The following DERA variants were observed in gnomAD, a reference collection of about 807,000 sequenced individuals.
The protein encoded by DERA is 2-deoxy-D-ribose 5-phosphate aldolase.
A neutral mutation model predicts 41.1 loss-of-function variants in DERA; 15 were observed. The ratio of observed to expected loss-of-function variants is 0.37; its 90% CI spans 0.24 to 0.56. The LOEUF is 0.56. Ranked by LOEUF, DERA falls within the 20% of genes least tolerant of loss-of-function variation. The probability of loss-of-function intolerance (pLI) is 0.81; values close to 1 mark genes in which losing one functional copy is unlikely to be tolerated. For synonymous variants in DERA, 139 were observed against 137.4 expected (o/e 1.01, Z -0.08); for missense variants, 396 against 403.4 (o/e 0.98, Z 0.16).
At position 15,911,659 on chromosome 12, in the gene DERA, T is replaced by G. The variant is rs1339739137; in HGVS notation, c.31+245T>G. On this transcript the variant is annotated intron_variant, in intron 1 of 8. Coordinates refer to ENST00000428559, the MANE Select transcript of DERA (RefSeq NM_015954.4). This position sits in a 1 kb window ranked among gnomAD's most constrained non-coding sequence, Gnocchi z 4.5. Reference sequence around the variant, plus strand: ...GCGGAAGGAGTAGGAAAGGGTTAGATTATTATCTTCCTGCCTTTTCGTTCA... The same window carrying G: ...GCGGAAGGAGTAGGAAAGGGTTAGAGTATTATCTTCCTGCCTTTTCGTTCA... 1 of 691,930 alleles carries G rather than the reference T, an allele frequency of 1.4e-6. No homozygotes were observed. Among genetic ancestry groups the G allele is most frequent in the African/African-American group, 1.8e-5 (1 of 56,888 alleles). 42.9% of individuals were successfully genotyped at this position (691,930 alleles called of 1,614,324 possible).
Position 15,938,566 on chromosome 12 carries a change from A to G in DERA, c.32-18370A>G, listed in dbSNP as rs924302785. Reference sequence around the variant, plus strand: ...AGTTTAAAATTCTTGATAGTTTTCAATTGATTCTTACCCATGAAATGTGTT... The same window carrying G: ...AGTTTAAAATTCTTGATAGTTTTCAGTTGATTCTTACCCATGAAATGTGTT... On this transcript the variant is annotated intron_variant, in intron 1 of 8. Transcript: ENST00000428559. The surrounding 1 kb of genome is among the most constrained non-coding windows in gnomAD (Gnocchi z 4.1). Among the ~76,000 whole-genome samples the G allele has an allele frequency of 2.0e-5, 3 of 152,198 alleles. No homozygotes were observed. The highest frequency in any genetic ancestry group is 7.2e-5 in the African/African-American group (3 of 41,464).
At position 15,967,758 on chromosome 12, in the gene DERA, T is replaced by C. The variant is rs758208011; in HGVS notation, c.508+4811T>C. ...CACTGTCCTTCCCTGCCAATCCTTCTGTCACTCCTGTCTAGCTGGACATGG... is the reference window on the plus strand; with the variant it reads ...CACTGTCCTTCCCTGCCAATCCTTCCGTCACTCCTGTCTAGCTGGACATGG... On this transcript the variant is annotated intron_variant, in intron 5 of 8. Transcript: ENST00000428559. The surrounding 1 kb of genome is among the most constrained non-coding windows in gnomAD (Gnocchi z 4.9). Among the ~76,000 whole-genome samples the C allele has an allele frequency of 3.3e-5, 5 of 152,246 alleles. No individual in the cohort carries two copies. Among genetic ancestry groups the C allele is most frequent in the African/African-American group, 4.8e-5 (2 of 41,470 alleles).
Position 15,992,142 on chromosome 12 carries a change from G to A in DERA, c.637+9706G>A, listed in dbSNP as rs1351432925. On this transcript the variant is annotated intron_variant, in intron 6 of 8. Coordinates refer to ENST00000428559, the MANE Select transcript of DERA (RefSeq NM_015954.4). The surrounding 1 kb of genome is among the most constrained non-coding windows in gnomAD (Gnocchi z 4.3). ...ACCTTCCTTAACTTTATTCCTCTGC[G>A]ATTACTATCAAACCTGGCATATAGT... 1.3e-5 allele frequency among the ~76,000 whole-genome samples: 2 copies of A among 150,276 alleles called. No homozygotes were observed. The highest frequency in any genetic ancestry group is 2.1e-4 in the South Asian group (1 of 4,772).
chr12:15,966,627 C>G lies in DERA; in HGVS notation c.508+3680C>G, dbSNP rs1208202162. ...CATATGACACAGCAGACTGTTCCTT[C>G]CTTCTGGTAATGCTTTGTTGTTGTG... On this transcript the variant is annotated intron_variant, in intron 5 of 8. Transcript: ENST00000428559. The surrounding 1 kb of genome is among the most constrained non-coding windows in gnomAD (Gnocchi z 5.1). Among the ~76,000 whole-genome samples, 3 of 152,140 alleles carry G rather than the reference C, an allele frequency of 2.0e-5. No individual in the cohort carries two copies. Among genetic ancestry groups the G allele is most frequent in the Non-Finnish European group, 2.9e-5 (2 of 68,024 alleles).
At chr12:16,024,939 A>G (rs1949043444) in intron 6 of DERA, among the ~76,000 whole-genome samples, 1 of 152,304 alleles carries the variant, frequency 6.6e-6, no homozygotes. Flanking sequence ...ACACAGGAGA[A>G]AAGAATTGGG....
rs1001667313 is a variant in DERA at position 15,940,167 on chromosome 12, T to C, written c.32-16769T>C. ...GTAGTCACAACAATGTCAGTTATTT[T>C]ATCTTCAGCAAAATAGACTTCCGGT... On this transcript the variant is annotated intron_variant, in intron 1 of 8. Transcript: ENST00000428559. This position sits in a 1 kb window ranked among gnomAD's most constrained non-coding sequence, Gnocchi z 5.1. Among the ~76,000 whole-genome samples, 1 of 152,210 alleles carries C rather than the reference T, an allele frequency of 6.6e-6. No individual in the cohort carries two copies. Among genetic ancestry groups the C allele is most frequent in the Non-Finnish European group, 1.5e-5 (1 of 68,036 alleles).
chr12:15,937,054 C>G (rs1948373533), intron 1 of DERA, among the ~76,000 whole-genome samples: 1 of 152,042 alleles, frequency 6.6e-6, no homozygotes, highest in Non-Finnish European at 1.5e-5. Context: ...TTCACTGAAG[C>G]CTCAAGCTCC....
Position 16,021,994 on chromosome 12 carries a change from G to C in DERA, c.638-10548G>C, listed in dbSNP as rs1382925517. Among the ~76,000 whole-genome samples the C allele has an allele frequency of 6.6e-6, 1 of 152,132 alleles. No homozygotes were observed. The highest frequency in any genetic ancestry group is 1.5e-5 in the Non-Finnish European group (1 of 68,028). On this transcript the variant is annotated intron_variant, in intron 6 of 8. Coordinates refer to ENST00000428559, the MANE Select transcript of DERA (RefSeq NM_015954.4). The surrounding 1 kb of genome is among the most constrained non-coding windows in gnomAD (Gnocchi z 5.3). ...TAAGACTTTGCAGAACTGTTGACAG[G>C]GTATTACTGTGTTTTGCAATGTGAA...
At chr12:15,974,489 G>T (rs1948684508) in intron 5 of DERA, among the ~76,000 whole-genome samples, 1 of 152,020 alleles carries the variant, frequency 6.6e-6, no homozygotes, top group Admixed American at 6.5e-5. Flanking sequence ...GCACATTTTT[G>T]GCAGGTATAC....
At chr12:15,979,232 G>A (rs2061753) in intron 5 of DERA, among the ~76,000 whole-genome samples, 94,777 of 152,026 alleles carry the variant, frequency 0.62, 29,901 homozygotes, top group East Asian at 0.82. Context: ...GGACCATGAG[G>A]GAATAAGGAG....
chr12:15,956,731 A>C (rs1301160897), intron 1 of DERA: 2 of 647,206 alleles, frequency 3.1e-6, no homozygotes, highest in South Asian at 2.9e-5. Context: ...AAAGTAATGG[A>C]GTGATTTTGC....
At position 16,010,647 on chromosome 12, in the gene DERA, C is replaced by G. The variant is rs1948941409; in HGVS notation, c.638-21895C>G. On this transcript the variant is annotated intron_variant, in intron 6 of 8. Coordinates refer to ENST00000428559, the MANE Select transcript of DERA (RefSeq NM_015954.4). The surrounding 1 kb of genome is among the most constrained non-coding windows in gnomAD (Gnocchi z 5.5). The stretch of plus-strand genomic sequence containing the variant: ...CAGAAGGAGAGAGGCTGCATTGTCT[C>G]TATAAGTGGTTAGTAAGTGGAGACT... 6.6e-6 allele frequency among the ~76,000 whole-genome samples: 1 copy of G among 151,984 alleles called. No homozygotes were observed. The highest frequency in any genetic ancestry group is 1.5e-5 in the Non-Finnish European group (1 of 68,004).
chr12:16,033,581 T>TTGTGTGTG (rs146182174), intron 7 of DERA, among the ~76,000 whole-genome samples: 10,530 of 127,542 alleles, frequency 0.083, 508 homozygotes, highest in Middle Eastern at 0.13. Flanking sequence ...GAGAGCAAGG[T>TTGTGTGTG]TGTGTGTGTG....
At chr12:15,969,744 T>G (rs1948647530) in intron 5 of DERA, among the ~76,000 whole-genome samples, 2 of 152,324 alleles carry the variant, frequency 1.3e-5, no homozygotes, top group Non-Finnish European at 2.9e-5. Context: ...TATTTGCTGA[T>G]TTTTACACAA....
At chr12:16,030,645 T>C (rs995180099) in intron 6 of DERA, among the ~76,000 whole-genome samples, 1 of 152,226 alleles carries the variant, frequency 6.6e-6, no homozygotes, top group Non-Finnish European at 1.5e-5. Context: ...TCTTTAAATA[T>C]AGCTGCCCCT....
At chr12:16,024,303 G>T (rs1949039104) in intron 6 of DERA, among the ~76,000 whole-genome samples, 1 of 152,318 alleles carries the variant, frequency 6.6e-6, no homozygotes, top group South Asian at 2.1e-4. Flanking sequence ...AGGAAGCTCA[G>T]AGAACACCAA....
At chr12:15,963,003 T>C in intron 5 of DERA, 56 bp downstream of exon 5, 1 of 1,565,530 alleles carries the variant, frequency 6.4e-7, no homozygotes, top group South Asian at 1.2e-5. Flanking sequence ...GTGAATCAGA[T>C]GATGAGGTAA....
intron 6 of DERA, among the ~76,000 whole-genome samples, chr12:16,018,797 A>G (rs1398842499): frequency 4.6e-5 from 7 of 152,232 alleles, no homozygotes; most frequent in Non-Finnish European, 8.8e-5. Context: ...ACAATTTAAT[A>G]TAATACTATA....
Position 15,995,977 on chromosome 12 carries a change from A to T in DERA, c.637+13541A>T, listed in dbSNP as rs907486131. On this transcript the variant is annotated intron_variant, in intron 6 of 8. Coordinates refer to ENST00000428559, the MANE Select transcript of DERA (RefSeq NM_015954.4). The surrounding 1 kb of genome is among the most constrained non-coding windows in gnomAD (Gnocchi z 5.1). The stretch of plus-strand genomic sequence containing the variant: ...TTTCGTCAGTGTCTGAATCACCTGG[A>T]AATTGGGTGCGCCACATCAGGAGGT... 3.3e-5 allele frequency among the ~76,000 whole-genome samples: 5 copies of T among 152,112 alleles called. No homozygotes were observed. Among genetic ancestry groups the T allele is most frequent in the Non-Finnish European group, 5.9e-5 (4 of 68,028 alleles).
Sources: gnomAD v4.1 joint callset for allele counts (sites outside exome capture counted in the v4.1 genomes callset) on GRCh38, gnomAD v4.1.1 for gene constraint, Gnocchi (gnomAD v3.1) non-coding constraint, MANE v1.5 for transcripts, NCBI Gene and HGNC (gene_info 2026-07-23, HGNC 2026-07-21) for gene names.